The following NAIP variants were observed in gnomAD, a reference collection of about 807,000 sequenced individuals.
NAIP encodes NLR family apoptosis inhibitory protein.
NAIP carries 15 observed loss-of-function variants against 23.0 expected under a neutral mutation model. The observed-to-expected ratio is 0.65, with a 90% confidence interval of 0.44 to 1.00. The LOEUF is 1.00. Among genes scored for constraint, NAIP ranks in the 50% least tolerant of loss-of-function variants. The pLI is 0.00. For missense variants in NAIP, 265 were observed against 278.8 expected, an observed-to-expected ratio of 0.95 and a Z score of 0.35; for synonymous variants, 100 against 100.2, an observed-to-expected ratio of 1.00 and a Z score of 0.01.
intron 5 of NAIP, among the ~76,000 whole-genome samples, chr5:71,008,237 T>C (rs1199782735): frequency 1.4e-5 from 2 of 147,776 alleles, no homozygotes; most frequent in African/African-American, 5.0e-5. Context: ...GCCTGGCCAA[T>C]TTTTGTATTT....
At chr5:71,008,480 A>G (rs1475357836) in intron 5 of NAIP, among the ~76,000 whole-genome samples, 2 of 84,078 alleles carry the variant, frequency 2.4e-5, no homozygotes, top group Non-Finnish European at 4.7e-5. Context: ...CTTTGCATGT[A>G]GTAGGTGTGT....
chr5:71,007,986 ACTC>A (rs1750946847), intron 5 of NAIP, among the ~76,000 whole-genome samples: 1 of 125,600 alleles, frequency 8.0e-6, no homozygotes, highest in Non-Finnish European at 1.7e-5. Context: ...ACTTGAATGA[ACTC>A]CTGGCCTCAA....
rs749036975 is a variant in NAIP at position 71,012,398 on chromosome 5, A to G, written c.518T>C (p.Val173Ala). The G allele has an allele frequency of 1.1e-5, 18 of 1,611,646 alleles. No individual in the cohort carries two copies. In the South Asian group the frequency reaches 1.8e-4, roughly 16 times the overall value. ...LASFRNWPFY[V>A]QGISPCVLSE... ...GAGCACACAAGGGGATATCCCTTGG[A>G]CATAAAATGGCCAGTTCCTGAAGGA... The change falls in exon 4 of 17, where the codon GTC becomes GCC. Residue 173 changes from valine (V) to alanine (A), a missense_variant. By Grantham distance (64) the Val-to-Ala change is moderately conservative (BLOSUM62 0). Coordinates refer to ENST00000517649, the MANE Select transcript of NAIP (RefSeq NM_004536.3).
At chr5:70,978,850 C>G (rs1182262926) in intron 13 of NAIP, among the ~76,000 whole-genome samples, 1 of 32,916 alleles carries the variant, frequency 3.0e-5, no homozygotes, top group Non-Finnish European at 4.6e-5. Flanking sequence ...GAGTTTTGCT[C>G]TTGTTCCCCA....
chr5:71,012,492 C>G lies in NAIP; in HGVS notation c.424G>C (p.Val142Leu). 3 of 1,611,710 alleles carry G rather than the reference C, an allele frequency of 1.9e-6. No homozygotes were observed. The highest frequency in any genetic ancestry group is 2.5e-6 in the Non-Finnish European group (3 of 1,178,454). The change falls in exon 4 of 17, where the codon GTG (valine) becomes CTG (leucine). Residue 142 changes from valine to leucine, a missense_variant. Around this residue, in one of 2 missense-constraint regions of NAIP, gnomAD observed 261 missense variants for 259.2 expected, o/e 1.01. Transcript: ENST00000517649. ...CTCAGCCTGCTCTTCAGATTCTTCA[C>G]CCTTATGTCGTACTTGGCAATGTTA... ...VGNIAKYDIR[V>L]KNLKSRLRGG...
In NAIP at chr5:71,009,911, A is replaced by G. The variant is rs541215864; in HGVS notation, c.668+1364T>C. Among the ~76,000 whole-genome samples the G allele has an allele frequency of 1.3e-4, 19 of 151,678 alleles. 2 individuals carry two copies. The highest frequency in any genetic ancestry group is 3.4e-3 in the Middle Eastern group (1 of 294). Reference sequence around the variant, plus strand: ...TACTAGTAAATATAGCATTAAAAATAATTAAAATGTACTTCCTTTTCTAAG... The same window carrying G: ...TACTAGTAAATATAGCATTAAAAATGATTAAAATGTACTTCCTTTTCTAAG... On this transcript the variant is annotated intron_variant, in intron 5 of 16. Transcript: ENST00000517649.
intron 3 of NAIP, among the ~76,000 whole-genome samples, chr5:71,017,644 A>C (rs1751501592): frequency 1.2e-5 from 1 of 85,286 alleles, no homozygotes; most frequent in Non-Finnish European, 3.0e-5. Context: ...AGGTTCAAGC[A>C]ATTCTCCTGC....
intron 12 of NAIP, among the ~76,000 whole-genome samples, chr5:70,980,595 T>C (rs978964123): frequency 9.2e-5 from 3 of 32,434 alleles, no homozygotes; most frequent in African/African-American, 3.0e-4. Context: ...AAAAGAAATA[T>C]AGCATCTCTT....
chr5:70,979,584 A>AAAAAAAAATAAT, intron 13 of NAIP, among the ~76,000 whole-genome samples: 2 of 42,806 alleles, frequency 4.7e-5, no homozygotes, highest in African/African-American at 2.2e-4. Flanking sequence ...AAAAAAAAAA[A>AAAAAAAAATAAT]AATAATAATA....
intron 3 of NAIP, among the ~76,000 whole-genome samples, chr5:71,013,975 G>A (rs2092550906): frequency 1.3e-5 from 2 of 151,458 alleles, no homozygotes; most frequent in Admixed American, 1.3e-4. Flanking sequence ...CCCAAACATG[G>A]TATGTGATTT....
rs1029696804 is a variant in NAIP, at chr5:71,014,397, A to T, written c.-3-1479T>A. Among the ~76,000 whole-genome samples, 7 of 151,468 alleles carry T rather than the reference A, an allele frequency of 4.6e-5. 1 individual carries two copies. The highest frequency in any genetic ancestry group is 1.0e-4 in the Non-Finnish European group (7 of 67,806). Reference sequence around the variant, plus strand: ...CGCCCAGGCTGAAGTGCAGTGGCGCAATCTCAGCTCCCACACCGGGATTAC... The same window carrying T: ...CGCCCAGGCTGAAGTGCAGTGGCGCTATCTCAGCTCCCACACCGGGATTAC... On this transcript the variant is annotated intron_variant, in intron 3 of 16. Transcript: ENST00000517649.
At chr5:71,016,168 C>G (rs1458365318) in intron 3 of NAIP, among the ~76,000 whole-genome samples, 1 of 150,342 alleles carries the variant, frequency 6.7e-6, no homozygotes, top group African/African-American at 2.4e-5. Flanking sequence ...GTGGCATGTG[C>G]CTGTAGTCCT....
In NAIP at chr5:71,011,334, A is replaced by G. The variant is rs780830387; in HGVS notation, c.609T>C (p.Cys203=). 1.4e-5 allele frequency: 23 copies of G among 1,606,496 alleles called. 1 individual carries two copies. The highest frequency in any genetic ancestry group is 1.9e-5 in the Non-Finnish European group (22 of 1,175,858). ...DTVQCFSCGG[C]LGNWEEGDDP... is the part of the protein sequence containing the mutation. ...CATCTCCTTCTTCCCAATTTCCTAAACATCCACCACAGGAAAAACACTGTA... is the reference window on the plus strand; with the variant it reads ...CATCTCCTTCTTCCCAATTTCCTAAGCATCCACCACAGGAAAAACACTGTA... The change falls in exon 5 of 17, where the codon TGT becomes TGC. Residue 203 remains cysteine (C), a synonymous_variant. Transcript: ENST00000517649.
At chr5:71,014,710 C>A (rs954055452) in intron 3 of NAIP, among the ~76,000 whole-genome samples, 3 of 151,290 alleles carry the variant, frequency 2.0e-5, no homozygotes, top group East Asian at 3.9e-4. Flanking sequence ...CAAGACCAGC[C>A]TGGCCCACAT....
Position 71,012,683 on chromosome 5 carries a change from G to A in NAIP, c.233C>T (p.Pro78Leu), listed in dbSNP as rs762289910. Reference sequence around the variant, plus strand: ...AAACCCAGCGGCCGCCATCTCCTGTGGTATCCATGAGCTGTACGGCTCATA... The same window carrying A: ...AAACCCAGCGGCCGCCATCTCCTGTAGTATCCATGAGCTGTACGGCTCATA... ...VTYEPYSSWI[P>L]QEMAAAGFYF... The change falls in exon 4 of 17, where the codon CCA (proline) becomes CTA (leucine). Residue 78 changes from proline (P) to leucine (L), a missense_variant. Pro to Leu is a moderately conservative substitution (Grantham distance 98, BLOSUM62 -3). This residue lies in a region of NAIP where 261 missense variants were observed against 259.2 expected (regional missense o/e 1.01). Transcript: ENST00000517649. The A allele has an allele frequency of 6.2e-7, 1 of 1,611,758 alleles. No individual in the cohort carries two copies. Among genetic ancestry groups the A allele is most frequent in the Admixed American group, 1.7e-5 (1 of 59,892 alleles).
Position 71,012,787 on chromosome 5 carries a change from C to T in NAIP, c.129G>A (p.Gln43=). The change falls in exon 4 of 17, where the codon CAG becomes CAA. Residue 43 remains glutamine, a synonymous_variant. Coordinates refer to ENST00000517649, the MANE Select transcript of NAIP (RefSeq NM_004536.3). ...QLAKELEEEE[Q]KERAKMQKGY... is the part of the protein sequence containing the mutation. ...CTTTCTGCATTTTTGCTCGCTCCTT[C>T]TGCTCCTCTTCTTCTAGTTCCTTTG... 1 of 1,612,016 alleles carries T rather than the reference C, an allele frequency of 6.2e-7. No homozygotes were observed. The highest frequency in any genetic ancestry group is 8.5e-7 in the Non-Finnish European group (1 of 1,178,526).
intron 5 of NAIP, among the ~76,000 whole-genome samples, 160 bp downstream of exon 5, chr5:71,011,115 C>A (rs1751132166): frequency 1.3e-5 from 2 of 150,966 alleles, no homozygotes; most frequent in South Asian, 4.2e-4. Context: ...CACCTATAAT[C>A]CCAGCTACTC....
At chr5:71,013,180 C>G (rs1202091600) in intron 3 of NAIP, among the ~76,000 whole-genome samples, 1 of 151,494 alleles carries the variant, frequency 6.6e-6, no homozygotes, top group Non-Finnish European at 1.5e-5. Flanking sequence ...TGCCTCCATT[C>G]ATGAAGCTTT....
intron 3 of NAIP, among the ~76,000 whole-genome samples, chr5:71,013,439 A>C (rs886912927): frequency 1.3e-5 from 2 of 150,830 alleles, no homozygotes; most frequent in East Asian, 2.0e-4. Context: ...GAGATGGAGA[A>C]CATCCTGGCT....
Sources: allele counts gnomAD v4.1 joint callset (sites outside exome capture counted in the v4.1 genomes callset), GRCh38; gene constraint gnomAD v4.1.1; regional missense constraint gnomAD v4.1.1; transcripts MANE v1.5; gene names NCBI Gene and HGNC (gene_info 2026-07-23, HGNC 2026-07-21).